Variants in MEIS1 observed in about 807,000 individuals in gnomAD.
The protein encoded by MEIS1 is homeobox protein Meis1.
Under a neutral mutation model 50.8 loss-of-function variants are expected in MEIS1, and 5 were observed. The ratio of observed to expected loss-of-function variants is 0.10; its 90% CI spans 0.05 to 0.21. The LOEUF is 0.21. Ranked by LOEUF, MEIS1 falls within the 10% of genes least tolerant of loss-of-function variation. The probability of loss-of-function intolerance (pLI) is 1.00; values close to 1 mark genes in which losing one functional copy is unlikely to be tolerated. For missense variants in MEIS1, 318 were observed against 517.3 expected (o/e 0.61, Z 3.74); for synonymous variants, 176 against 179.3 (o/e 0.98, Z 0.15).
At chr2:66,513,045 C>G (rs1673872252) in intron 8 of MEIS1, among the ~76,000 whole-genome samples, 1 of 151,938 alleles carries the variant, frequency 6.6e-6, no homozygotes, top group South Asian at 2.1e-4. Flanking sequence ...ATTTCATGTT[C>G]AAAATATTTA....
intron 7 of MEIS1, among the ~76,000 whole-genome samples, chr2:66,466,234 A>G (rs187159820): frequency 1.6e-3 from 243 of 152,290 alleles, no homozygotes; most frequent in African/African-American, 5.5e-3. Flanking sequence ...TTACTTAAAT[A>G]AGGTTCTTCT....
At chr2:66,505,331 A>C (rs1056216964) in intron 7 of MEIS1, among the ~76,000 whole-genome samples, 3 of 152,206 alleles carry the variant, frequency 2.0e-5, no homozygotes, top group Non-Finnish European at 4.4e-5. Context: ...CCTTGAGCCC[A>C]GGAGTTTGAG....
intron 9 of MEIS1, among the ~76,000 whole-genome samples, chr2:66,554,992 G>C (rs1001536729): frequency 2.0e-5 from 3 of 152,074 alleles, no homozygotes; most frequent in African/African-American, 7.2e-5. Context: ...GTCTATGAAG[G>C]GCATGACAGA....
In MEIS1 at chr2:66,464,227, G is replaced by T; in HGVS notation, c.742+7G>T. On this transcript the variant is annotated splice_region_variant and intron_variant, in intron 7 of 12. Coordinates refer to ENST00000272369, the MANE Select transcript of MEIS1 (RefSeq NM_002398.3). ...GACAACAGCAGTGAGCAAGGTAGGA[G>T]AGATGTTATTCTCTTTTGCTACTTG... The T allele has an allele frequency of 1.3e-6, 2 of 1,572,492 alleles. No homozygotes were observed. The highest frequency in any genetic ancestry group is 1.7e-6 in the Non-Finnish European group (2 of 1,156,290).
intron 6 of MEIS1, among the ~76,000 whole-genome samples, chr2:66,456,236 A>ACG (rs1672385517): frequency 5.5e-5 from 1 of 18,022 alleles, no homozygotes; most frequent in South Asian, 3.4e-3. Flanking sequence ...TGATTTTTAT[A>ACG]CACACACACA....
intron 6 of MEIS1, among the ~76,000 whole-genome samples, chr2:66,463,705 G>A (rs1173484766): frequency 6.6e-6 from 1 of 152,116 alleles, no homozygotes; most frequent in Non-Finnish European, 1.5e-5. Context: ...TGAATCAGAG[G>A]CCCCTATAAA....
intron 6 of MEIS1, among the ~76,000 whole-genome samples, chr2:66,444,133 C>A (rs1380931521): frequency 6.6e-6 from 1 of 152,134 alleles, no homozygotes; most frequent in East Asian, 1.9e-4. Context: ...TGTTGCAAGG[C>A]GTCTAGAGAT....
intron 8 of MEIS1, among the ~76,000 whole-genome samples, chr2:66,543,007 T>C (rs1431540750): frequency 1.3e-5 from 2 of 152,214 alleles, no homozygotes; most frequent in Non-Finnish European, 2.9e-5. Context: ...ACACACTTTC[T>C]TTCAATGTAT....
At position 66,532,695 on chromosome 2, in the gene MEIS1, T is replaced by C. The variant is rs541532406; in HGVS notation, c.889-15248T>C. Reference sequence around the variant, plus strand: ...ATAAATGAAGCCATTAAACAAAATATATGCATGTAATAGTCGAGTTCCTCA... The same window carrying C: ...ATAAATGAAGCCATTAAACAAAATACATGCATGTAATAGTCGAGTTCCTCA... On this transcript the variant is annotated intron_variant, in intron 8 of 12. Transcript: ENST00000272369. Among the ~76,000 whole-genome samples, 6 of 152,288 alleles carry C rather than the reference T, an allele frequency of 3.9e-5. No individual in the cohort carries two copies. The South Asian group carries it at 8.3e-4, about 21-fold the overall frequency.
chr2:66,570,459 A>T (rs1251763460), intron 12 of MEIS1: 1 of 152,228 alleles, frequency 6.6e-6, no homozygotes, highest in Non-Finnish European at 1.5e-5. Flanking sequence ...TAGATTAAGC[A>T]GCCATTCATT....
At chr2:66,523,617 A>G (rs1162195100) in intron 8 of MEIS1, among the ~76,000 whole-genome samples, 1 of 152,238 alleles carries the variant, frequency 6.6e-6, no homozygotes, top group African/African-American at 2.4e-5. Context: ...ACAGCACTCT[A>G]TGTGGAAACC....
At chr2:66,524,417 C>G (rs1465906426) in intron 8 of MEIS1, among the ~76,000 whole-genome samples, 1 of 151,988 alleles carries the variant, frequency 6.6e-6, no homozygotes, top group Non-Finnish European at 1.5e-5. Flanking sequence ...AAAAAATTAG[C>G]CAGGTGTGGT....
intron 8 of MEIS1, among the ~76,000 whole-genome samples, chr2:66,531,883 G>A (rs959525588): frequency 1.3e-5 from 2 of 151,998 alleles, no homozygotes; most frequent in African/African-American, 2.4e-5. Context: ...TGTGTGGCTG[G>A]CAAGTTCCAT....
intron 8 of MEIS1, among the ~76,000 whole-genome samples, chr2:66,532,094 T>C (rs542443379): frequency 2.0e-5 from 3 of 152,278 alleles, no homozygotes; most frequent in African/African-American, 7.2e-5. Context: ...GTGTCTTCTG[T>C]TCCTATGGGA....
intron 7 of MEIS1, among the ~76,000 whole-genome samples, chr2:66,486,864 G>T (rs539974286): frequency 1.3e-5 from 2 of 152,178 alleles, no homozygotes; most frequent in Non-Finnish European, 2.9e-5. Flanking sequence ...TGTAGCAGTT[G>T]TGAATGGGAG....
chr2:66,444,104 G>T (rs368365345), intron 6 of MEIS1, among the ~76,000 whole-genome samples: 1 of 152,088 alleles, frequency 6.6e-6, no homozygotes, highest in African/African-American at 2.4e-5. Context: ...ACAGGGCTCA[G>T]AACAGTTCCG....
intron 7 of MEIS1, among the ~76,000 whole-genome samples, chr2:66,482,779 A>G (rs1464953678): frequency 6.6e-6 from 1 of 152,162 alleles, no homozygotes; most frequent in Non-Finnish European, 1.5e-5. Flanking sequence ...TGGAACACAC[A>G]TATTTCCCAA....
chr2:66,464,177 C>T lies in MEIS1; in HGVS notation c.699C>T (p.Ser233=), dbSNP rs372577277. ...TRSGGTPGPS[S]GGHTSHSGDN... is the part of the protein sequence containing the mutation. ...CAGGAGGAACCCCAGGCCCTTCCAG[C>T]GGTGGCCACACGTCACACAGTGGGG... The change falls in exon 7 of 13, where the codon AGC becomes AGT. Residue 233 remains serine, a synonymous_variant. Coordinates refer to ENST00000272369, the MANE Select transcript of MEIS1 (RefSeq NM_002398.3). 1.9e-5 allele frequency: 31 copies of T among 1,605,016 alleles called. No individual in the cohort carries two copies. The highest frequency in any genetic ancestry group is 2.7e-5 in the African/African-American group (2 of 74,756).
intron 9 of MEIS1, 77 bp from the exon 10 acceptor site, chr2:66,567,376 G>C (rs1572910624): frequency 6.8e-7 from 1 of 1,461,392 alleles, no homozygotes; most frequent in Non-Finnish European, 9.4e-7. Context: ...CTCCAACTGC[G>C]ATTCATCTTT....
Sources: allele counts gnomAD v4.1 joint callset (sites outside exome capture counted in the v4.1 genomes callset), GRCh38; gene constraint gnomAD v4.1.1; transcripts MANE v1.5; gene names NCBI Gene and HGNC (gene_info 2026-07-23, HGNC 2026-07-21).